The following CDH13 variants were observed in gnomAD, a reference collection of about 807,000 sequenced individuals.
CDH13 encodes the protein cadherin 13.
In CDH13, 24 loss-of-function variants were observed where a neutral mutation model predicts 63.8. The ratio of observed to expected loss-of-function variants is 0.38; its 90% CI spans 0.27 to 0.53. The LOEUF (loss-of-function observed/expected upper bound fraction) is 0.53. Ranked by LOEUF, CDH13 falls within the 20% of genes least tolerant of loss-of-function variation. CDH13 has a pLI of 0.85. For missense variants in CDH13, 1,049 were observed against 903.1 expected, an observed-to-expected ratio of 1.16 and a Z score of -2.07; for synonymous variants, 503 against 355.3, an observed-to-expected ratio of 1.42 and a Z score of -4.67.
At chr16:83,496,263 T>C (rs2074141575) in intron 7 of CDH13, among the ~76,000 whole-genome samples, 2 of 147,894 alleles carry the variant, frequency 1.4e-5, no homozygotes, top group South Asian at 2.2e-4. Context: ...CAAACTATAC[T>C]ACAAGGCTAC....
intron 8 of CDH13, among the ~76,000 whole-genome samples, chr16:83,667,625 G>A (rs954888185): frequency 6.6e-6 from 1 of 152,104 alleles, no homozygotes; most frequent in Non-Finnish European, 1.5e-5. Context: ...AACTTTTAGG[G>A]TAAAATAAAT....
intron 3 of CDH13, among the ~76,000 whole-genome samples, chr16:83,060,373 A>G (rs1281810950): frequency 1.3e-5 from 2 of 152,174 alleles, no homozygotes; most frequent in African/African-American, 4.8e-5. Flanking sequence ...TATAGGAACA[A>G]AACTTTACTT....
intron 2 of CDH13, among the ~76,000 whole-genome samples, chr16:82,996,023 C>A (rs375796862): frequency 1.7e-4 from 26 of 152,212 alleles, no homozygotes; most frequent in African/African-American, 6.3e-4. Flanking sequence ...TTGCCATCTT[C>A]CTGTTTTCTC....
chr16:83,415,368 A>G (rs916903775), intron 6 of CDH13, among the ~76,000 whole-genome samples: 4 of 152,212 alleles, frequency 2.6e-5, no homozygotes, highest in African/African-American at 9.6e-5. Flanking sequence ...TCCTTCTCAA[A>G]CTCTTCCGAA....
chr16:82,761,328 C>T (rs989777157), intron 1 of CDH13, among the ~76,000 whole-genome samples: 11 of 152,078 alleles, frequency 7.2e-5, no homozygotes, highest in Admixed American at 5.9e-4. Context: ...CATTTCAACA[C>T]ATGAGATTTG....
chr16:83,412,507 A>G (rs1181537709), intron 6 of CDH13, among the ~76,000 whole-genome samples: 1 of 152,218 alleles, frequency 6.6e-6, no homozygotes, highest in Non-Finnish European at 1.5e-5. Context: ...GTGTCTACAA[A>G]CAGAGGTTTT....
chr16:83,097,967 T>G (rs752553060), intron 3 of CDH13, among the ~76,000 whole-genome samples: 1 of 152,096 alleles, frequency 6.6e-6, no homozygotes, highest in Non-Finnish European at 1.5e-5. Flanking sequence ...AAAAAAAATT[T>G]TATAATGCCT....
At chr16:83,229,015 A>C (rs1350084278) in intron 5 of CDH13, among the ~76,000 whole-genome samples, 1 of 152,132 alleles carries the variant, frequency 6.6e-6, no homozygotes, top group Non-Finnish European at 1.5e-5. Flanking sequence ...AAGATATTAA[A>C]TATACCTTGG....
In CDH13 at chr16:83,223,937, C is replaced by T. The variant is rs190985505; in HGVS notation, c.636+6440C>T. ...GTAAGATTTTGCTGCACCCATCACA[C>T]GAGCAGTATACACTGAACCCAGTTT... On this transcript the variant is annotated intron_variant, in intron 5 of 13. Coordinates refer to ENST00000567109, the MANE Select transcript of CDH13 (RefSeq NM_001257.5). Among the ~76,000 whole-genome samples, 17 of 152,244 alleles carry T rather than the reference C, an allele frequency of 1.1e-4. 1 individual carries two copies. Among genetic ancestry groups the T allele is most frequent in the African/African-American group, 3.1e-4 (13 of 41,554 alleles).
At chr16:83,129,265 T>C (rs1254122202) in intron 4 of CDH13, among the ~76,000 whole-genome samples, 2 of 152,176 alleles carry the variant, frequency 1.3e-5, no homozygotes, top group Non-Finnish European at 2.9e-5. Flanking sequence ...ACACCTCTAA[T>C]TTTATAAATA....
At chr16:82,663,169 C>T (rs1041543902) in intron 1 of CDH13, among the ~76,000 whole-genome samples, 16 of 152,074 alleles carry the variant, frequency 1.1e-4, no homozygotes, top group African/African-American at 3.9e-4. Flanking sequence ...CCCTTAGCCT[C>T]CACTAGGTTT....
chr16:83,675,193 T>A (rs551118513), intron 9 of CDH13, among the ~76,000 whole-genome samples: 2 of 152,290 alleles, frequency 1.3e-5, no homozygotes, highest in Non-Finnish European at 2.9e-5. Flanking sequence ...ATTGTGTGCT[T>A]TGTGAGATCT....
intron 6 of CDH13, among the ~76,000 whole-genome samples, chr16:83,457,508 C>A (rs1280298311): frequency 6.6e-6 from 1 of 152,184 alleles, no homozygotes. Context: ...CACCCAGCCC[C>A]AGCTTCAGCA....
chr16:82,666,672 G>A (rs912813476), intron 1 of CDH13, among the ~76,000 whole-genome samples: 6 of 152,176 alleles, frequency 3.9e-5, no homozygotes, highest in East Asian at 1.9e-4. Context: ...ACTGAGGCAC[G>A]AAGAACATCT....
chr16:83,201,924 TA>T (rs2039044653), intron 4 of CDH13, among the ~76,000 whole-genome samples: 1 of 151,786 alleles, frequency 6.6e-6, no homozygotes, highest in African/African-American at 2.4e-5. Flanking sequence ...CAAAAATAAA[TA>T]AAAAAGATTG....
At chr16:82,877,150 C>T (rs2040533758) in intron 2 of CDH13, among the ~76,000 whole-genome samples, 2 of 152,100 alleles carry the variant, frequency 1.3e-5, no homozygotes, top group South Asian at 2.1e-4. Flanking sequence ...AGGGTATAGC[C>T]TCAAGCAATT....
rs538325804 is a variant in CDH13, at chr16:83,034,178, G to A, written c.366+1960G>A. ...GTGCCACCCTACTGTCACCGTGCTC[G>A]TGGCAGATATTGCTAATAACCCCTG... is the stretch of plus-strand genomic sequence containing the variant. On this transcript the variant is annotated intron_variant, in intron 3 of 13. Transcript: ENST00000567109. Among the ~76,000 whole-genome samples the A allele has an allele frequency of 5.3e-5, 8 of 152,204 alleles. 1 individual carries two copies. Among genetic ancestry groups the A allele is most frequent in the African/African-American group, 1.2e-4 (5 of 41,534 alleles).
At chr16:82,715,858 C>T (rs1364924836) in intron 1 of CDH13, among the ~76,000 whole-genome samples, 1 of 152,182 alleles carries the variant, frequency 6.6e-6, no homozygotes, top group East Asian at 1.9e-4. Context: ...CAAAACATAC[C>T]TGACTAGAAA....
chr16:83,147,437 A>G (rs1036651513), intron 4 of CDH13, among the ~76,000 whole-genome samples: 5 of 152,132 alleles, frequency 3.3e-5, no homozygotes, highest in Middle Eastern at 3.2e-3. Flanking sequence ...AGGGCTCCCT[A>G]TGACGTAAAT....
Sources: gnomAD v4.1 joint callset for allele counts (sites outside exome capture counted in the v4.1 genomes callset) on GRCh38, gnomAD v4.1.1 for gene constraint, MANE v1.5 for transcripts, NCBI Gene and HGNC (gene_info 2026-07-23, HGNC 2026-07-21) for gene names.